Variants in MAP4K5 observed in about 807,000 individuals in gnomAD.
MAP4K5 encodes mitogen-activated protein kinase kinase kinase kinase 5, also known as MAPK/ERK kinase kinase kinase 5.
In MAP4K5, 82 loss-of-function variants were observed where a neutral mutation model predicts 135.6. The observed-to-expected ratio is 0.60, with a 90% CI of 0.51 to 0.73. The LOEUF is 0.73. Among genes scored for constraint, MAP4K5 ranks in the 30% least tolerant of loss-of-function variants. The probability of loss-of-function intolerance (pLI) is 0.00; values close to 1 mark genes in which losing one functional copy is unlikely to be tolerated. For missense variants in MAP4K5, 907 were observed against 1,010.9 expected, an observed-to-expected ratio of 0.90 and a Z score of 1.39; for synonymous variants, 347 against 335.0, an observed-to-expected ratio of 1.04 and a Z score of -0.39.
exon 1 of MAP4K5, chr14:50,561,077 C>T (rs2038838021): frequency 6.6e-6 from 1 of 152,378 alleles, no homozygotes; most frequent in Non-Finnish European, 1.5e-5. Context: ...AGCACCAGGC[C>T]GAGGGGAGGG....
At chr14:50,530,523 A>C (rs2038363891) in intron 2 of MAP4K5, among the ~76,000 whole-genome samples, 1 of 152,208 alleles carries the variant, frequency 6.6e-6, no homozygotes, top group Non-Finnish European at 1.5e-5. Context: ...AAAGATGACT[A>C]AAAAATGAGA....
chr14:50,466,917 C>A (rs2036845895), intron 10 of MAP4K5, among the ~76,000 whole-genome samples: 1 of 152,140 alleles, frequency 6.6e-6, no homozygotes. Context: ...TATACTGTTA[C>A]ATATGTAACT....
intron 1 of MAP4K5, among the ~76,000 whole-genome samples, chr14:50,556,776 T>C (rs747931666): frequency 1.3e-5 from 2 of 152,230 alleles, no homozygotes; most frequent in Non-Finnish European, 2.9e-5. Context: ...TACTTTCATT[T>C]ACTATAATGT....
intron 3 of MAP4K5, among the ~76,000 whole-genome samples, chr14:50,490,841 CATT>C (rs948793630): frequency 6.6e-6 from 1 of 152,142 alleles, no homozygotes; most frequent in Non-Finnish European, 1.5e-5. Context: ...TCAAGTTAGA[CATT>C]ATTAATGCCA....
intron 14 of MAP4K5, among the ~76,000 whole-genome samples, chr14:50,453,357 G>A (rs1374978944): frequency 6.6e-6 from 1 of 151,658 alleles, no homozygotes; most frequent in Non-Finnish European, 1.5e-5. Context: ...AATCTGTCTT[G>A]CCATTCATAA....
chr14:50,490,130 A>T (rs1257620543), intron 3 of MAP4K5, among the ~76,000 whole-genome samples: 41 of 121,252 alleles, frequency 3.4e-4, no homozygotes, highest in East Asian at 2.2e-3. Flanking sequence ...AGCGAGTGAG[A>T]GTGTGTGTGT....
intron 16 of MAP4K5, among the ~76,000 whole-genome samples, chr14:50,446,702 AC>A (rs2036360917): frequency 6.6e-6 from 1 of 152,144 alleles, no homozygotes. Flanking sequence ...AGGTTGGCAA[AC>A]TTTTTCTATG....
intron 3 of MAP4K5, among the ~76,000 whole-genome samples, chr14:50,487,076 T>C (rs1265815434): frequency 2.0e-5 from 3 of 152,362 alleles, no homozygotes; most frequent in African/African-American, 4.8e-5. Flanking sequence ...GAGCTTTAAA[T>C]ATTCTTGTCA....
At position 50,440,420 on chromosome 14, in the gene MAP4K5, G is replaced by T; in HGVS notation, c.1586C>A (p.Thr529Asn). 3 of 1,592,508 alleles carry T rather than the reference G, an allele frequency of 1.9e-6. No homozygotes were observed. The highest frequency in any genetic ancestry group is 2.6e-6 in the Non-Finnish European group (3 of 1,165,090). The stretch of plus-strand genomic sequence containing the variant: ...ATTCAGTGTGTAAATACCATCTTCA[G>T]TTCCAAAAATAATGTACTGATCTAA... ...DTKDQYIIFGTEDGIYTLNLN... is the reference protein window; with the variant it reads ...DTKDQYIIFGNEDGIYTLNLN... The change falls in exon 22 of 33, where the codon ACT becomes AAT. Residue 529 changes from threonine to asparagine, a missense_variant. Transcript: ENST00000682126.
At chr14:50,488,184 A>T (rs933051150) in intron 3 of MAP4K5, among the ~76,000 whole-genome samples, 5 of 152,044 alleles carry the variant, frequency 3.3e-5, no homozygotes, top group African/African-American at 9.7e-5. Flanking sequence ...CAGGTGAGAG[A>T]GTGTGTGTGT....
intron 1 of MAP4K5, among the ~76,000 whole-genome samples, chr14:50,545,575 G>A (rs2038621116): frequency 6.6e-6 from 1 of 152,166 alleles, no homozygotes; most frequent in African/African-American, 2.4e-5. Flanking sequence ...AGATGTTAAA[G>A]TACAATAAGA....
At position 50,486,141 on chromosome 14, in the gene MAP4K5, GT is replaced by G; in HGVS notation, c.219del (p.Lys73AsnfsTer45). On this transcript the variant is annotated frameshift_variant, in exon 4 of 33. Transcript: ENST00000682126. LOFTEE classifies it high-confidence loss of function. Reference protein sequence around the residue: ...QQEIFMVKECKHCNIVAYFGS... With the variant: ...QQEIFMVKECXHCNIVAYFGS... ...CCAAAGTAGGCAACGATGTTACAAT[GT>G]TTACATTCTTTAACCATAAATATTT... 1 of 1,419,334 alleles carries G rather than the reference GT, an allele frequency of 7.0e-7. No individual in the cohort carries two copies. The highest frequency in any genetic ancestry group is 9.6e-7 in the Non-Finnish European group (1 of 1,039,212). 87.9% of individuals were successfully genotyped at this position (1,419,334 alleles called of 1,614,324 possible). A position where few individuals can be genotyped will look rare whatever the true frequency, so the allele number is the denominator to read the frequency against.
Position 50,493,370 on chromosome 14 carries a change from T to C in MAP4K5, c.167-7176A>G, listed in dbSNP as rs376718986. Among the ~76,000 whole-genome samples the C allele has an allele frequency of 1.0e-3, 156 of 152,354 alleles. 1 individual carries two copies. The highest frequency in any genetic ancestry group is 1.5e-3 in the Non-Finnish European group (100 of 68,028). Reference sequence around the variant, plus strand: ...TCCAGTCCTGTAAGTACTATACTTATGAAGTTCTGCATATCACATACACAA... The same window carrying C: ...TCCAGTCCTGTAAGTACTATACTTACGAAGTTCTGCATATCACATACACAA... On this transcript the variant is annotated intron_variant, in intron 3 of 32. Coordinates refer to ENST00000682126, the MANE Select transcript of MAP4K5 (RefSeq NM_006575.6).
rs1223749261 is a variant in MAP4K5, at chr14:50,451,997, G to GATCTTTTC, written c.1016-3173_1016-3166dup. 2.0e-5 allele frequency among the ~76,000 whole-genome samples: 3 copies of GATCTTTTC among 152,240 alleles called. No individual in the cohort carries two copies. The East Asian group carries it at 5.8e-4, about 29-fold the overall frequency. Reference sequence around the variant, plus strand: ...CAGTAGAAACTGTACTTTGAATTTTGATCTTTTCCCAGTCTAGGGATATAC... The same window carrying GATCTTTTC: ...CAGTAGAAACTGTACTTTGAATTTTGATCTTTTCATCTTTTCCCAGTCTAGGGATATAC... On this transcript the variant is annotated intron_variant, in intron 14 of 32. Coordinates refer to ENST00000682126, the MANE Select transcript of MAP4K5 (RefSeq NM_006575.6).
At chr14:50,529,870 A>C (rs756751327) in intron 2 of MAP4K5, among the ~76,000 whole-genome samples, 1 of 152,194 alleles carries the variant, frequency 6.6e-6, no homozygotes, top group Non-Finnish European at 1.5e-5. Context: ...ACTAGAGCAG[A>C]ATGACTAAGG....
chr14:50,447,992 T>C (rs1435781350), intron 15 of MAP4K5, among the ~76,000 whole-genome samples: 1 of 150,620 alleles, frequency 6.6e-6, no homozygotes, highest in Non-Finnish European at 1.5e-5. Flanking sequence ...TCTTGCTTCA[T>C]TACTTTTTTC....
In MAP4K5 at chr14:50,435,054, A is replaced by G; in HGVS notation, c.1894T>C (p.Tyr632His). 1 of 1,598,810 alleles carries G rather than the reference A, an allele frequency of 6.3e-7. No individual in the cohort carries two copies. The highest frequency in any genetic ancestry group is 8.6e-7 in the Non-Finnish European group (1 of 1,169,390). The change falls in exon 27 of 33, where the codon TAC (tyrosine) becomes CAC (histidine). Residue 632 changes from tyrosine (Y) to histidine (H), a missense_variant. Transcript: ENST00000682126. ...CHKCCIVRNP[Y>H]TGHKYLCGAL... ...CCACAGAGGTATTTATGTCCCGTGT[A>G]AGGGTTTCTGACTGGAAAGAAATAA... is the stretch of plus-strand genomic sequence containing the variant.
chr14:50,453,531 C>A (rs1041571210), intron 14 of MAP4K5, among the ~76,000 whole-genome samples: 2 of 152,134 alleles, frequency 1.3e-5, no homozygotes, highest in African/African-American at 4.8e-5. Context: ...CTGCCAGAAA[C>A]ATTGCTACAT....
chr14:50,539,339 C>T (rs2038533179), intron 2 of MAP4K5, among the ~76,000 whole-genome samples: 1 of 152,226 alleles, frequency 6.6e-6, no homozygotes, highest in South Asian at 2.1e-4. Flanking sequence ...GCTCTTCTGA[C>T]TGCTTCTGTG....
Sources: allele counts gnomAD v4.1 joint callset (sites outside exome capture counted in the v4.1 genomes callset), GRCh38; gene constraint gnomAD v4.1.1; transcripts MANE v1.5; gene names NCBI Gene and HGNC (gene_info 2026-07-23, HGNC 2026-07-21).